ITGA11: variants seen among roughly 807,000 people sequenced by gnomAD.
ITGA11 encodes integrin alpha-11.
ITGA11 carries 97 observed loss-of-function variants against 141.9 expected under a neutral mutation model. The observed-to-expected ratio is 0.68, with a 90% confidence interval of 0.58 to 0.81. The LOEUF (loss-of-function observed/expected upper bound fraction) is 0.81, where lower values mean the gene tolerates loss of function less well. ITGA11 is among the 30% of genes least tolerant of loss of function. The pLI is 0.00. For synonymous variants in ITGA11, 658 were observed against 624.6 expected, an observed-to-expected ratio of 1.05 and a Z score of -0.80; for missense variants, 1,387 against 1,559.2, an observed-to-expected ratio of 0.89 and a Z score of 1.86.
intron 2 of ITGA11, among the ~76,000 whole-genome samples, chr15:68,389,495 A>G (rs1410232336): frequency 6.6e-6 from 1 of 152,238 alleles, no homozygotes; most frequent in Non-Finnish European, 1.5e-5. Context: ...CCTGAGGCAG[A>G]GGGACTAGAG....
chr15:68,360,766 T>C (rs990252470), intron 5 of ITGA11, among the ~76,000 whole-genome samples: 1 of 152,182 alleles, frequency 6.6e-6, no homozygotes, highest in Non-Finnish European at 1.5e-5. Flanking sequence ...TCATTTTGTG[T>C]GAATAGAATC....
At chr15:68,363,763 A>G (rs1415930310) in intron 4 of ITGA11, among the ~76,000 whole-genome samples, 1 of 152,148 alleles carries the variant, frequency 6.6e-6, no homozygotes, top group African/African-American at 2.4e-5. Context: ...AGCATCGCCC[A>G]TACTCAACGC....
At chr15:68,405,156 TCC>T (rs1896615792) in intron 1 of ITGA11, among the ~76,000 whole-genome samples, 1 of 90,074 alleles carries the variant, frequency 1.1e-5, no homozygotes, top group African/African-American at 4.6e-5. Context: ...TCCCACTGTC[TCC>T]CTTTTTTTTT....
intron 1 of ITGA11, among the ~76,000 whole-genome samples, chr15:68,415,052 C>T (rs1896856635): frequency 6.6e-6 from 1 of 152,198 alleles, no homozygotes; most frequent in Admixed American, 6.5e-5. Context: ...TTTCTAGCTT[C>T]TCTGATCAAC....
At position 68,344,118 on chromosome 15, in the gene ITGA11, G is replaced by A. The variant is rs576508855; in HGVS notation, c.1132-4474C>T. On this transcript the variant is annotated intron_variant, in intron 10 of 29. Transcript: ENST00000315757. Reference sequence around the variant, plus strand: ...TATGGGGCCAGGCTTAGGAGGACCCGAATGAACCAGAAATGATTCCTGCCA... The same window carrying A: ...TATGGGGCCAGGCTTAGGAGGACCCAAATGAACCAGAAATGATTCCTGCCA... 3.3e-5 allele frequency among the ~76,000 whole-genome samples: 5 copies of A among 152,236 alleles called. No individual in the cohort carries two copies. In the East Asian group the frequency reaches 5.8e-4, roughly 18 times the overall value.
chr15:68,382,678 T>C (rs1375259160), intron 2 of ITGA11, among the ~76,000 whole-genome samples: 1 of 152,254 alleles, frequency 6.6e-6, no homozygotes, highest in Non-Finnish European at 1.5e-5. Flanking sequence ...GGCATTTTAT[T>C]TTCCATCTCA....
Position 68,301,618 on chromosome 15 carries a change from C to A in ITGA11, c.*1441G>T, listed in dbSNP as rs1241623720. The A allele has an allele frequency of 6.6e-6, 1 of 152,242 alleles. No individual in the cohort carries two copies. The highest frequency in any genetic ancestry group is 2.4e-5 in the African/African-American group (1 of 41,436). 9.4% of individuals were successfully genotyped at this position (152,242 alleles called of 1,614,324 possible). On this transcript the variant is annotated 3_prime_UTR_variant, in exon 30 of 30. Coordinates refer to ENST00000315757, the MANE Select transcript of ITGA11 (RefSeq NM_001004439.2). The surrounding 1 kb of genome is among the most constrained non-coding windows in gnomAD (Gnocchi z 4.4). The stretch of plus-strand genomic sequence containing the variant: ...GAGGTAGGGGGGAGGAAGCAAGGAA[C>A]TCCCTCATTCTACTTCCTCTCCTTC...
Position 68,326,745 on chromosome 15 carries a change from T to G in ITGA11, c.2120A>C (p.His707Pro). 6.3e-7 allele frequency: 1 copy of G among 1,581,786 alleles called. No individual in the cohort carries two copies. The highest frequency in any genetic ancestry group is 1.2e-5 in the South Asian group (1 of 86,050). ...GAATCGGTCCCCGCCCTCGTCCAGG[T>G]GGGCCCTCGGTGTATACCGCCTCTC... is the stretch of plus-strand genomic sequence containing the variant. ...MDERRYTPRA[H>P]LDEGGDRFTN... Residue 707 changes from histidine to proline, a missense_variant, in exon 17 of 30, where the codon CAC becomes CCC. Transcript: ENST00000315757. This position sits in a 1 kb window ranked among gnomAD's most constrained non-coding sequence, Gnocchi z 6.8.
intron 1 of ITGA11, among the ~76,000 whole-genome samples, chr15:68,427,423 C>T (rs1382197390): frequency 6.6e-6 from 1 of 152,118 alleles, no homozygotes; most frequent in Non-Finnish European, 1.5e-5. Context: ...CAGAGTCACC[C>T]AGGTAGAAAG....
At chr15:68,311,766 TGAGAGG>T (rs1484693482) in intron 24 of ITGA11, among the ~76,000 whole-genome samples, 1 of 152,186 alleles carries the variant, frequency 6.6e-6, no homozygotes, top group Non-Finnish European at 1.5e-5. Context: ...GAATACATCA[TGAGAGG>T]GAATCATTAA....
intron 1 of ITGA11, among the ~76,000 whole-genome samples, chr15:68,411,165 A>G (rs1896763240): frequency 2.0e-5 from 3 of 152,226 alleles, no homozygotes; most frequent in African/African-American, 7.2e-5. Flanking sequence ...ATTCCACACA[A>G]TCTTCTCCCC....
At position 68,321,525 on chromosome 15, in the gene ITGA11, G is replaced by A. The variant is rs781211035; in HGVS notation, c.2323-22C>T. On this transcript the variant is annotated intron_variant, in intron 18 of 29. Coordinates refer to ENST00000315757, the MANE Select transcript of ITGA11 (RefSeq NM_001004439.2). The surrounding 1 kb of genome is among the most constrained non-coding windows in gnomAD (Gnocchi z 4.9). Reference sequence around the variant, plus strand: ...GCACCTGGGCCAGGGAGAGCCAGGTGTGGGCAGCTGGGTAGGGACCCGCAG... The same window carrying A: ...GCACCTGGGCCAGGGAGAGCCAGGTATGGGCAGCTGGGTAGGGACCCGCAG... 2 of 1,562,410 alleles carry A rather than the reference G, an allele frequency of 1.3e-6. No individual in the cohort carries two copies. Among genetic ancestry groups the A allele is most frequent in the African/African-American group, 1.4e-5 (1 of 72,078 alleles).
intron 3 of ITGA11, among the ~76,000 whole-genome samples, chr15:68,368,458 A>G (rs1895493688): frequency 6.6e-6 from 1 of 152,262 alleles, no homozygotes; most frequent in Admixed American, 6.5e-5. Context: ...ACACATAAGC[A>G]GATACACACA....
At chr15:68,418,672 C>T (rs1053405745) in intron 1 of ITGA11, among the ~76,000 whole-genome samples, 3 of 149,034 alleles carry the variant, frequency 2.0e-5, no homozygotes, top group South Asian at 2.1e-4. Context: ...TACAGCTGTA[C>T]GTGGCGGCCC....
intron 26 of ITGA11, among the ~76,000 whole-genome samples, chr15:68,310,025 A>G (rs1179537340): frequency 6.6e-6 from 1 of 152,240 alleles, no homozygotes; most frequent in East Asian, 1.9e-4. Context: ...GTGGACGCCT[A>G]ATGATTTTGA....
intron 3 of ITGA11, among the ~76,000 whole-genome samples, chr15:68,368,053 G>C (rs565754973): frequency 6.6e-6 from 1 of 152,216 alleles, no homozygotes; most frequent in African/African-American, 2.4e-5. Context: ...GGGAGCCTCC[G>C]GGACCATGTG....
chr15:68,303,840 A>G lies in ITGA11; in HGVS notation c.3427T>C (p.Trp1143Arg). 1 of 1,613,192 alleles carries G rather than the reference A, an allele frequency of 6.2e-7. No individual in the cohort carries two copies. The highest frequency in any genetic ancestry group is 8.5e-7 in the Non-Finnish European group (1 of 1,179,476). The change falls in exon 29 of 30, where the codon TGG (tryptophan) becomes CGG (arginine). Residue 1143 changes from tryptophan to arginine, a missense_variant. Physicochemically the swap from Trp to Arg is moderately radical, Grantham distance 101. Coordinates refer to ENST00000315757, the MANE Select transcript of ITGA11 (RefSeq NM_001004439.2). This position sits in a 1 kb window ranked among gnomAD's most constrained non-coding sequence, Gnocchi z 5.3. ...CCCAGGGTGCTGCCTACAATGATCC[A>G]GATGGGGACCTGCCAGTCCTCTTGC... ...SKQEDWQVPI[W>R]IIVGSTLGGL...
At chr15:68,367,988 G>A (rs6494738) in intron 3 of ITGA11, among the ~76,000 whole-genome samples, 143,137 of 152,310 alleles carry the variant, frequency 0.94, 67,464 homozygotes, top group Middle Eastern at 0.98. Context: ...TTTGGGCCCC[G>A]GCTATGCTGG....
intron 26 of ITGA11, 75 bp downstream of exon 26, chr15:68,310,919 G>T: frequency 8.7e-7 from 1 of 1,147,400 alleles, no homozygotes; most frequent in Non-Finnish European, 1.3e-6. Flanking sequence ...GGGTCGGGAG[G>T]GAAATGGCCC....
Sources: gnomAD v4.1 joint callset for allele counts (sites outside exome capture counted in the v4.1 genomes callset) on GRCh38, gnomAD v4.1.1 for gene constraint, Gnocchi (gnomAD v3.1) non-coding constraint, MANE v1.5 for transcripts, NCBI Gene and HGNC (gene_info 2026-07-23, HGNC 2026-07-21) for gene names.